The following MYO5A variants were observed in gnomAD, a reference collection of about 807,000 sequenced individuals.
The protein encoded by MYO5A is myosin VA.
Under a neutral mutation model 249.7 loss-of-function variants are expected in MYO5A, and 98 were observed. That is an observed-to-expected ratio of 0.39 (90% CI 0.33 to 0.46). MYO5A has a LOEUF of 0.46. Among genes scored for constraint, MYO5A ranks in the 20% least tolerant of loss-of-function variants. The pLI, the probability that MYO5A is intolerant of heterozygous loss-of-function variation, is 0.98. For synonymous variants in MYO5A, 778 were observed against 810.6 expected (o/e 0.96, Z 0.68); for missense variants, 1,696 against 2,308.8 (o/e 0.73, Z 5.44).
intron 1 of MYO5A, among the ~76,000 whole-genome samples, chr15:52,494,804 C>G (rs2077005447): frequency 1.3e-5 from 2 of 152,076 alleles, no homozygotes; most frequent in Admixed American, 1.3e-4. Context: ...TTCTTGTTAT[C>G]TATTATCCTA....
rs1013389490 is a variant in MYO5A, at chr15:52,331,776, A to T, written c.4409-1277T>A. The stretch of plus-strand genomic sequence containing the variant: ...TCATGCTGCAGCAGCACACACTGGG[A>T]CTATCAGCGCTGAAAATCTGGTTTA... On this transcript the variant is annotated intron_variant, in intron 34 of 41. Coordinates refer to ENST00000399233, the MANE Select transcript of MYO5A (RefSeq NM_001382347.1). The T allele has an allele frequency of 4.1e-6, 4 of 985,294 alleles. No homozygotes were observed. In the African/African-American group the frequency reaches 7.0e-5, roughly 17 times the overall value. The allele number at this position is 985,294 out of a possible 1,614,324, so 61.0% of individuals were successfully genotyped here. A position where few individuals can be genotyped will look rare whatever the true frequency, so the allele number is the denominator to read the frequency against.
intron 5 of MYO5A, 199 bp downstream of exon 5, chr15:52,415,946 T>C: frequency 3.1e-6 from 2 of 653,512 alleles, no homozygotes; most frequent in Admixed American, 5.8e-5. Flanking sequence ...GATTCCGCTA[T>C]AGCTGGGCTT....
intron 1 of MYO5A, chr15:52,505,441 G>C: frequency 1.1e-6 from 1 of 888,490 alleles, no homozygotes; most frequent in Non-Finnish European, 1.9e-6. Flanking sequence ...TGCAGATGTG[G>C]AAGACACTAC....
chr15:52,384,767 CTTTA>C (rs1306623412), intron 14 of MYO5A, among the ~76,000 whole-genome samples: 2 of 152,210 alleles, frequency 1.3e-5, no homozygotes, highest in Non-Finnish European at 2.9e-5. Flanking sequence ...TACTCACCTG[CTTTA>C]TTTGTCTACC....
intron 6 of MYO5A, among the ~76,000 whole-genome samples, chr15:52,408,489 C>T (rs908524603): frequency 2.0e-5 from 3 of 151,938 alleles, no homozygotes; most frequent in African/African-American, 7.2e-5. Context: ...TCTAATGGTA[C>T]CTCTTAGATT....
At chr15:52,374,084 C>T (rs2041275079) in intron 20 of MYO5A, among the ~76,000 whole-genome samples, 1 of 152,092 alleles carries the variant, frequency 6.6e-6, no homozygotes, top group Admixed American at 6.5e-5. Context: ...CTCTAATATC[C>T]AGGCTTGTAT....
intron 1 of MYO5A, among the ~76,000 whole-genome samples, chr15:52,504,128 A>G (rs1338487326): frequency 6.8e-6 from 1 of 146,918 alleles, no homozygotes; most frequent in African/African-American, 2.5e-5. Context: ...AAGAATTTGC[A>G]GATACCATAA....
At chr15:52,321,624 C>A (rs1294881209) in intron 37 of MYO5A, 115 bp from the exon 38 acceptor site, 2 of 1,148,860 alleles carry the variant, frequency 1.7e-6, no homozygotes, top group Non-Finnish European at 1.3e-6. Context: ...CAAGGAGCTT[C>A]CCCACTAATG....
chr15:52,343,331 AC>A, intron 30 of MYO5A, 134 bp from the exon 31 acceptor site: 1 of 749,540 alleles, frequency 1.3e-6, no homozygotes, highest in Non-Finnish European at 2.3e-6. Context: ...CAACTTTAAG[AC>A]ATTACCACAA....
intron 1 of MYO5A, among the ~76,000 whole-genome samples, chr15:52,518,553 G>T (rs142231638): frequency 6.6e-6 from 1 of 152,280 alleles, no homozygotes; most frequent in African/African-American, 2.4e-5. Flanking sequence ...ACCCAACCAT[G>T]CTGCTTATCA....
At chr15:52,469,694 A>C (rs745360104) in intron 1 of MYO5A, among the ~76,000 whole-genome samples, 1 of 152,180 alleles carries the variant, frequency 6.6e-6, no homozygotes, top group Non-Finnish European at 1.5e-5. Context: ...ATTTTGTTTC[A>C]GTGCCCAAAT....
At chr15:52,501,356 T>C (rs950053253) in intron 1 of MYO5A, among the ~76,000 whole-genome samples, 5 of 152,132 alleles carry the variant, frequency 3.3e-5, no homozygotes, top group African/African-American at 1.2e-4. Flanking sequence ...TCCCACCATT[T>C]TGGAAGGCCA....
At chr15:52,377,624 A>G (rs553009885) in intron 18 of MYO5A, among the ~76,000 whole-genome samples, 6 of 143,410 alleles carry the variant, frequency 4.2e-5, no homozygotes, top group Non-Finnish European at 7.5e-5. Flanking sequence ...AAGCTGGAGT[A>G]CAGTGCTGTA....
chr15:52,425,106 C>T (rs566629523), intron 4 of MYO5A, among the ~76,000 whole-genome samples: 3 of 152,300 alleles, frequency 2.0e-5, no homozygotes, highest in African/African-American at 2.4e-5. Context: ...AAAAATTTCA[C>T]ACTTTCCTTT....
At chr15:52,356,819 A>ACCGAG (rs1567047900) in intron 25 of MYO5A, among the ~76,000 whole-genome samples, 162 of 93,416 alleles carry the variant, frequency 1.7e-3, no homozygotes, top group African/African-American at 7.7e-3. Flanking sequence ...TTTTTTTTTT[A>ACCGAG]TTTTCAGGAA....
intron 18 of MYO5A, among the ~76,000 whole-genome samples, chr15:52,377,053 G>A (rs760936177): frequency 6.6e-6 from 1 of 152,100 alleles, no homozygotes; most frequent in South Asian, 2.1e-4. Flanking sequence ...ATTGAGTTAT[G>A]TTTCTAAACA....
In MYO5A at chr15:52,379,661, C is replaced by T. The variant is rs2041629160; in HGVS notation, c.2172G>A (p.Lys724=). Residue 724 remains lysine, a synonymous_variant, in exon 18 of 42, where the codon AAG becomes AAA. Transcript: ENST00000399233. ...MKQKDVLSDR[K]QTCKNVLEKL... Reference sequence around the variant, plus strand: ...TCTCTAACACATTCTTGCATGTTTGCTTTCTGTCACTCAGCACATCTTTCT... The same window carrying T: ...TCTCTAACACATTCTTGCATGTTTGTTTTCTGTCACTCAGCACATCTTTCT... 6.2e-7 allele frequency: 1 copy of T among 1,614,188 alleles called. No homozygotes were observed. The highest frequency in any genetic ancestry group is 1.3e-5 in the African/African-American group (1 of 75,056).
chr15:52,400,649 C>CT (rs570099053), intron 9 of MYO5A, among the ~76,000 whole-genome samples: 185 of 152,246 alleles, frequency 1.2e-3, no homozygotes, highest in Middle Eastern at 6.8e-3. Flanking sequence ...GTTTGGGTCT[C>CT]TATGATGTTA....
intron 1 of MYO5A, among the ~76,000 whole-genome samples, chr15:52,496,582 G>C (rs2077042064): frequency 6.6e-6 from 1 of 152,134 alleles, no homozygotes; most frequent in Non-Finnish European, 1.5e-5. Context: ...AAAATACAGG[G>C]ATCTAGAGGA....
Sources: allele counts gnomAD v4.1 joint callset (sites outside exome capture counted in the v4.1 genomes callset), GRCh38; gene constraint gnomAD v4.1.1; transcripts MANE v1.5; gene names NCBI Gene and HGNC (gene_info 2026-07-23, HGNC 2026-07-21).